The following EYA3 variants were observed in gnomAD, a reference collection of about 807,000 sequenced individuals.
EYA3 encodes the protein EYA transcriptional coactivator and phosphatase 3.
Under a neutral mutation model 80.0 loss-of-function variants are expected in EYA3, and 39 were observed. That is an observed-to-expected ratio of 0.49 (90% CI 0.38 to 0.64). The LOEUF is 0.64. Among genes scored for constraint, EYA3 ranks in the 30% least tolerant of loss-of-function variants. The pLI, the probability that EYA3 is intolerant of heterozygous loss-of-function variation, is 0.00. For synonymous variants in EYA3, 206 were observed against 232.8 expected (o/e 0.88, Z 1.05); for missense variants, 523 against 676.1 (o/e 0.77, Z 2.51).
rs146397266 is a variant in EYA3, at chr1:28,076,011, A to G, written c.-69+12513T>C. On this transcript the variant is annotated intron_variant, in intron 1 of 17. Coordinates refer to ENST00000373871, the MANE Select transcript of EYA3 (RefSeq NM_001990.4). ...TATCCAGCAGACCTACACTCAGCTA[A>G]CCTCTCTTAAGGCTCCCTTTAGTGT... 3.2e-4 allele frequency among the ~76,000 whole-genome samples: 48 copies of G among 152,338 alleles called. No individual in the cohort carries two copies. In the East Asian group the frequency reaches 9.1e-3, roughly 29 times the overall value.
At chr1:27,975,488 T>TA (rs1491441642) in intron 17 of EYA3, among the ~76,000 whole-genome samples, 1 of 84,814 alleles carries the variant, frequency 1.2e-5, no homozygotes. Context: ...GGAGGCCATA[T>TA]TTTTTTTTTT....
At position 28,042,686 on chromosome 1, in the gene EYA3, T is replaced by A. The variant is rs1336885782; in HGVS notation, c.78-36A>T. The A allele has an allele frequency of 1.9e-6, 3 of 1,560,068 alleles. 1 individual carries two copies. In the South Asian group the frequency reaches 3.3e-5, roughly 17 times the overall value. On this transcript the variant is annotated intron_variant, in intron 3 of 17. Transcript: ENST00000373871. ...CAAAATGAATACATTAGCCCCTGAT[T>A]GATTTGCTGCATTGCTAAAAAGTGA...
intron 9 of EYA3, among the ~76,000 whole-genome samples, chr1:28,011,492 C>CATCA (rs1305487464): frequency 2.0e-5 from 3 of 152,152 alleles, no homozygotes; most frequent in Non-Finnish European, 2.9e-5. Flanking sequence ...GTATCCTTAG[C>CATCA]ATCTACCCAC....
intron 1 of EYA3, among the ~76,000 whole-genome samples, chr1:28,068,500 A>C (rs1004754910): frequency 6.6e-6 from 1 of 151,906 alleles, no homozygotes; most frequent in Admixed American, 6.6e-5. Flanking sequence ...TTTCTTTTTC[A>C]ATGTATGGAT....
intron 10 of EYA3, among the ~76,000 whole-genome samples, chr1:28,008,199 G>A (rs774036172): frequency 1.2e-4 from 18 of 151,888 alleles, no homozygotes; most frequent in Non-Finnish European, 2.2e-4. Flanking sequence ...AATAAGGAAC[G>A]TCTTTTCAAC....
chr1:28,016,546 A>G (rs1322967986), intron 8 of EYA3, among the ~76,000 whole-genome samples: 4 of 151,854 alleles, frequency 2.6e-5, no homozygotes, highest in Non-Finnish European at 1.5e-5. Flanking sequence ...AAAAAAAAAA[A>G]AAAAAGCAAA....
At chr1:27,988,784 T>TC (rs1639836180) in intron 15 of EYA3, 128 bp from the exon 16 acceptor site, 5 of 978,244 alleles carry the variant, frequency 5.1e-6, no homozygotes, top group Non-Finnish European at 7.5e-6. Flanking sequence ...ATTATACTGT[T>TC]CAGAGCCAAT....
In EYA3 at chr1:28,027,944, G is replaced by C; in HGVS notation, c.362-18C>G. 6.2e-7 allele frequency: 1 copy of C among 1,613,838 alleles called. No individual in the cohort carries two copies. Among genetic ancestry groups the C allele is most frequent in the Non-Finnish European group, 8.5e-7 (1 of 1,179,856 alleles). Reference sequence around the variant, plus strand: ...CAATGCACCTGAATCAGATAAATTGGACCAATTACAAACAATACACTGGGA... The same window carrying C: ...CAATGCACCTGAATCAGATAAATTGCACCAATTACAAACAATACACTGGGA... On this transcript the variant is annotated intron_variant, in intron 6 of 17. Coordinates refer to ENST00000373871, the MANE Select transcript of EYA3 (RefSeq NM_001990.4).
chr1:28,049,827 CT>C (rs1391435698), intron 2 of EYA3, among the ~76,000 whole-genome samples: 1 of 152,000 alleles, frequency 6.6e-6, no homozygotes, highest in Non-Finnish European at 1.5e-5. Context: ...AAAATATAGC[CT>C]TTTTTTATAA....
intron 11 of EYA3, among the ~76,000 whole-genome samples, chr1:28,002,610 A>C (rs1421295078): frequency 6.6e-6 from 1 of 151,918 alleles, no homozygotes; most frequent in Non-Finnish European, 1.5e-5. Context: ...TCAGATTTCA[A>C]GATGAGACTG....
At chr1:28,082,670 C>T (rs1203919266) in intron 1 of EYA3, among the ~76,000 whole-genome samples, 2 of 152,012 alleles carry the variant, frequency 1.3e-5, no homozygotes, top group African/African-American at 4.8e-5. Context: ...TTTTAGTCTT[C>T]TGTTTTATAT....
intron 1 of EYA3, among the ~76,000 whole-genome samples, chr1:28,064,157 A>G (rs1174785200): frequency 1.3e-5 from 2 of 152,154 alleles, no homozygotes; most frequent in African/African-American, 2.4e-5. Flanking sequence ...ATGTGCATTT[A>G]TTTTTAGTTA....
chr1:27,987,769 C>G (rs760700179), intron 16 of EYA3, among the ~76,000 whole-genome samples: 8 of 152,248 alleles, frequency 5.3e-5, no homozygotes, highest in Non-Finnish European at 1.2e-4. Context: ...TTACTGCAAG[C>G]TCCGCCTCCC....
rs574231314 is a variant in EYA3 at position 28,011,451 on chromosome 1, T to C, written c.770-365A>G. Among the ~76,000 whole-genome samples the C allele has an allele frequency of 2.0e-5, 3 of 152,316 alleles. No individual in the cohort carries two copies. In the South Asian group the frequency reaches 6.2e-4, roughly 32 times the overall value. On this transcript the variant is annotated intron_variant, in intron 9 of 17. Coordinates refer to ENST00000373871, the MANE Select transcript of EYA3 (RefSeq NM_001990.4). ...GATAATTATTTGTTGTGGGGGGATG[T>C]CTTGTGCATTATAGGATGTTTGGTT...
intron 1 of EYA3, among the ~76,000 whole-genome samples, chr1:28,071,333 G>A (rs1182838513): frequency 2.0e-5 from 3 of 152,110 alleles, no homozygotes; most frequent in African/African-American, 7.2e-5. Context: ...ACAATCTTAC[G>A]TAAACTATGC....
intron 1 of EYA3, among the ~76,000 whole-genome samples, chr1:28,058,547 A>G (rs1644509403): frequency 6.6e-6 from 1 of 152,214 alleles, no homozygotes; most frequent in Non-Finnish European, 1.5e-5. Context: ...ACAAACCGGA[A>G]TATCAACTAA....
At chr1:28,028,490 GA>G (rs1032193699) in intron 6 of EYA3, among the ~76,000 whole-genome samples, 2 of 149,668 alleles carry the variant, frequency 1.3e-5, no homozygotes, top group African/African-American at 4.9e-5. Flanking sequence ...ACATAATTTA[GA>G]AAAAAAATAC....
chr1:28,042,451 T>G, intron 4 of EYA3, 120 bp downstream of exon 4: 10 of 765,554 alleles, frequency 1.3e-5, no homozygotes, highest in Non-Finnish European at 2.2e-5. Context: ...AAAACAAGGA[T>G]GGGAGAGCCT....
At chr1:28,036,435 G>A (rs1289451865) in intron 5 of EYA3, among the ~76,000 whole-genome samples, 1 of 152,224 alleles carries the variant, frequency 6.6e-6, no homozygotes, top group Non-Finnish European at 1.5e-5. Flanking sequence ...GAGGGAAAGT[G>A]AGACTGGAAA....
Sources: allele counts gnomAD v4.1 joint callset (sites outside exome capture counted in the v4.1 genomes callset), GRCh38; gene constraint gnomAD v4.1.1; transcripts MANE v1.5; gene names NCBI Gene and HGNC (gene_info 2026-07-23, HGNC 2026-07-21).